Variants in ZNF883 observed in about 807,000 individuals in gnomAD.
ZNF883 encodes the protein zinc finger protein 883.
At chr9:113,009,217 CAAT>C (rs775352735) in intron 2 of ZNF883, among the ~76,000 whole-genome samples, 3 of 152,250 alleles carry the variant, frequency 2.0e-5, no homozygotes, top group Admixed American at 2.0e-4. Flanking sequence ...GCTGAATAAA[CAAT>C]AACACCGAAC....
At chr9:113,011,105 G>A (rs1216762224) in intron 2 of ZNF883, 36 bp downstream of exon 2, 1 of 152,122 alleles carries the variant, frequency 6.6e-6, no homozygotes. Context: ...ATTAAACCCA[G>A]CTTAAGGTAC....
At chr9:112,995,991 T>G (rs1336913039), downstream of ZNF883, among the ~76,000 whole-genome samples, 2 of 152,172 alleles carry the variant, frequency 1.3e-5, no homozygotes, top group Non-Finnish European at 2.9e-5. Flanking sequence ...GCATTTCTTT[T>G]CTTTGGATTT....
At chr9:113,004,117 G>A (rs563659778) in intron 2 of ZNF883, among the ~76,000 whole-genome samples, 1 of 152,342 alleles carries the variant, frequency 6.6e-6, no homozygotes, top group Non-Finnish European at 1.5e-5. Context: ...AGAAAGTCAT[G>A]TGATGAAAGA....
upstream of ZNF883, chr9:112,998,362 T>C: frequency 1.1e-6 from 1 of 909,688 alleles, no homozygotes; most frequent in Admixed American, 3.0e-5. Context: ...AAGTTTGAGA[T>C]ACAAATGCAT....
At chr9:112,992,951 T>C (rs1828315836), downstream of ZNF883, among the ~76,000 whole-genome samples, 1 of 152,224 alleles carries the variant, frequency 6.6e-6, no homozygotes, top group South Asian at 2.1e-4. Context: ...CTGGTTTTTC[T>C]GGTTAATAGC....
chr9:113,007,486 C>T (rs767740134), intron 2 of ZNF883, among the ~76,000 whole-genome samples: 10 of 152,158 alleles, frequency 6.6e-5, no homozygotes, highest in Non-Finnish European at 1.3e-4. Flanking sequence ...TTTAAAAACC[C>T]TGTGGTTACT....
upstream of ZNF883, chr9:112,998,389 T>G (rs1828387679): frequency 5.8e-6 from 4 of 690,176 alleles, 1 homozygote; most frequent in South Asian, 1.9e-4. Flanking sequence ...TTATATCTAA[T>G]AAATTATTTT....
downstream of ZNF883, among the ~76,000 whole-genome samples, chr9:112,995,100 G>A (rs1828337246): frequency 6.6e-6 from 1 of 152,186 alleles, no homozygotes; most frequent in Admixed American, 6.5e-5. Context: ...GTCTTTGAAT[G>A]TGTTTCAAAG....
chr9:113,006,012 A>G (rs1013838658), intron 2 of ZNF883, among the ~76,000 whole-genome samples: 10 of 152,144 alleles, frequency 6.6e-5, no homozygotes, highest in Non-Finnish European at 1.2e-4. Flanking sequence ...AGGAGAAAGT[A>G]AACAACAGGT....
At chr9:112,996,056 T>G (rs1269787166), downstream of ZNF883, among the ~76,000 whole-genome samples, 2 of 152,186 alleles carry the variant, frequency 1.3e-5, no homozygotes, top group Non-Finnish European at 1.5e-5. Flanking sequence ...CTAGTTTTAT[T>G]GTCTTCTAAT....
downstream of ZNF883, among the ~76,000 whole-genome samples, chr9:112,996,169 T>C (rs1828352234): frequency 1.3e-5 from 2 of 152,194 alleles, no homozygotes; most frequent in African/African-American, 4.8e-5. Context: ...TTTTAGTTGT[T>C]TTCATTTATA....
chr9:113,003,182 A>G (rs1828442821), upstream of ZNF883, among the ~76,000 whole-genome samples: 1 of 152,192 alleles, frequency 6.6e-6, no homozygotes, highest in Non-Finnish European at 1.5e-5. Context: ...TCATGGGCGC[A>G]GTTTCCCCCA....
intron 2 of ZNF883, among the ~76,000 whole-genome samples, chr9:113,003,296 A>G (rs1828443933): frequency 1.3e-5 from 2 of 152,156 alleles, no homozygotes; most frequent in Non-Finnish European, 2.9e-5. Context: ...CCATGTAAGA[A>G]GTCCCTTTGC....
rs572118151 is a variant in ZNF883 at position 113,004,498 on chromosome 9, G to A, written n.166-2425C>T. Among the ~76,000 whole-genome samples the A allele has an allele frequency of 1.0e-3, 159 of 152,094 alleles. 3 individuals are homozygous for A. In the South Asian group the frequency reaches 0.016, roughly 16 times the overall value. On this transcript the variant is annotated intron_variant and non_coding_transcript_variant, in intron 2 of 4. Coordinates refer to the ZNF883 transcript ENST00000638622. ...TGGGAGGTAATTAGGTCATGATGAT[G>A]GAGGCCTCACCAATAGGATTAGTGC...
upstream of ZNF883, among the ~76,000 whole-genome samples, chr9:113,002,440 T>A (rs1342511694): frequency 2.0e-5 from 3 of 152,114 alleles, no homozygotes; most frequent in Non-Finnish European, 4.4e-5. Flanking sequence ...ACTAAAAAAA[T>A]TTTAATGAAA....
chr9:112,989,320 C>T (rs1042746112), intron 1 of ZNF883, among the ~76,000 whole-genome samples: 8 of 151,458 alleles, frequency 5.3e-5, no homozygotes, highest in Non-Finnish European at 1.5e-5. Context: ...GGAAGGGGTC[C>T]AGTTTCAATT....
At chr9:112,995,221 TTC>T (rs1159730832), downstream of ZNF883, among the ~76,000 whole-genome samples, 1 of 152,128 alleles carries the variant, frequency 6.6e-6, no homozygotes, top group African/African-American at 2.4e-5. Flanking sequence ...AGTAAGAGAC[TTC>T]TCTCCCTGCC....
At chr9:113,008,224 T>A (rs1476360807) in intron 2 of ZNF883, among the ~76,000 whole-genome samples, 1 of 152,210 alleles carries the variant, frequency 6.6e-6, no homozygotes, top group Non-Finnish European at 1.5e-5. Context: ...AATTTACTAA[T>A]GACACAAGAA....
chr9:113,006,486 C>T (rs1290714250), intron 2 of ZNF883, among the ~76,000 whole-genome samples: 1 of 152,184 alleles, frequency 6.6e-6, no homozygotes, highest in African/African-American at 2.4e-5. Flanking sequence ...TTACACTTTA[C>T]TCTGTCGGCT....
Sources: gnomAD v4.1 joint callset for allele counts (sites outside exome capture counted in the v4.1 genomes callset) on GRCh38, gnomAD v4.1.1 for gene constraint, MANE v1.5 for transcripts, NCBI Gene and HGNC (gene_info 2026-07-23, HGNC 2026-07-21) for gene names.